Variants in ERBB4 observed in about 807,000 individuals in gnomAD.
ERBB4 encodes the protein receptor tyrosine-protein kinase erbB-4.
Under a neutral mutation model 158.0 loss-of-function variants are expected in ERBB4, and 42 were observed. That is an observed-to-expected ratio of 0.27 (90% confidence interval 0.21 to 0.34). ERBB4 has a LOEUF of 0.34. Ranked by LOEUF, ERBB4 falls within the 10% of genes least tolerant of loss-of-function variation. The pLI is 1.00. For missense variants in ERBB4, 1,333 were observed against 1,624.1 expected (o/e 0.82, Z 3.08); for synonymous variants, 583 against 558.7 (o/e 1.04, Z -0.61).
In ERBB4 at chr2:212,355,909, G is replaced by A. The variant is rs957558282; in HGVS notation, c.82+182540C>T. Among the ~76,000 whole-genome samples, 34 of 151,738 alleles carry A rather than the reference G, an allele frequency of 2.2e-4. 1 individual carries two copies. The highest frequency in any genetic ancestry group is 4.1e-4 in the Non-Finnish European group (28 of 67,932). ...TGTTCCCACCTCACTTCCAACCTTT[G>A]CTAAGGAAGTTAGTCATGTCATTTG... On this transcript the variant is annotated intron_variant, in intron 1 of 27. Transcript: ENST00000342788.
At chr2:211,604,480 G>T (rs769398365) in intron 19 of ERBB4, among the ~76,000 whole-genome samples, 8 of 146,540 alleles carry the variant, frequency 5.5e-5, no homozygotes, top group African/African-American at 9.7e-5. Flanking sequence ...AAGGTCCCTT[G>T]TCCCTGAATA....
intron 2 of ERBB4, among the ~76,000 whole-genome samples, chr2:212,092,808 G>C (rs1159254237): frequency 6.6e-6 from 1 of 152,122 alleles, no homozygotes; most frequent in African/African-American, 2.4e-5. Context: ...CACAACCGGG[G>C]CCTGTCAGGG....
intron 19 of ERBB4, among the ~76,000 whole-genome samples, chr2:211,596,382 G>C (rs1324792475): frequency 1.3e-5 from 2 of 152,122 alleles, no homozygotes; most frequent in Middle Eastern, 3.2e-3. Context: ...TTCAAAATAA[G>C]ACGAATATAT....
At chr2:212,368,977 C>A (rs1457145820) in intron 1 of ERBB4, among the ~76,000 whole-genome samples, 2 of 152,116 alleles carry the variant, frequency 1.3e-5, no homozygotes, top group South Asian at 4.2e-4. Flanking sequence ...TGTAGGCCAA[C>A]CTTCTGAATT....
intron 3 of ERBB4, among the ~76,000 whole-genome samples, chr2:211,802,881 T>C (rs1300680027): frequency 6.6e-6 from 1 of 152,194 alleles, no homozygotes; most frequent in Non-Finnish European, 1.5e-5. Context: ...GGCAGACCCA[T>C]CAGCTGGGTG....
At chr2:212,290,011 T>C (rs945901228) in intron 1 of ERBB4, among the ~76,000 whole-genome samples, 2 of 152,134 alleles carry the variant, frequency 1.3e-5, no homozygotes, top group Non-Finnish European at 2.9e-5. Context: ...AAAAATGTCA[T>C]ATTTAAGTTT....
At chr2:211,570,783 TTC>T (rs1216599850) in intron 19 of ERBB4, among the ~76,000 whole-genome samples, 1 of 152,130 alleles carries the variant, frequency 6.6e-6, no homozygotes, top group African/African-American at 2.4e-5. Flanking sequence ...CTTTAGCTAT[TTC>T]TTCATGTTAT....
chr2:211,979,726 C>T (rs2081735951), intron 2 of ERBB4, among the ~76,000 whole-genome samples: 1 of 152,082 alleles, frequency 6.6e-6, no homozygotes, highest in African/African-American at 2.4e-5. Context: ...ATCATTTGTT[C>T]ACCTTTTAAA....
chr2:212,537,793 T>G (rs1476334685), intron 1 of ERBB4, among the ~76,000 whole-genome samples: 1 of 141,684 alleles, frequency 7.1e-6, no homozygotes, highest in African/African-American at 2.7e-5. Flanking sequence ...TAAGCGCCCC[T>G]CAAGTCAATG....
At chr2:211,758,204 G>A (rs1313546772) in intron 4 of ERBB4, among the ~76,000 whole-genome samples, 1 of 152,016 alleles carries the variant, frequency 6.6e-6, no homozygotes, top group African/African-American at 2.4e-5. Flanking sequence ...ATTTCCCACC[G>A]AATGGAAAGA....
intron 9 of ERBB4, among the ~76,000 whole-genome samples, chr2:211,711,632 G>A (rs1039450378): frequency 2.8e-4 from 42 of 152,100 alleles, no homozygotes; most frequent in Non-Finnish European, 5.1e-4. Flanking sequence ...TCAACATACT[G>A]ATTAGTTTTA....
intron 3 of ERBB4, among the ~76,000 whole-genome samples, chr2:211,828,459 A>G (rs137970319): frequency 1.7e-4 from 26 of 152,264 alleles, no homozygotes; most frequent in Non-Finnish European, 3.1e-4. Context: ...TCTGGGCCCT[A>G]GAATTCTTCT....
intron 25 of ERBB4, among the ~76,000 whole-genome samples, chr2:211,419,366 C>T (rs903524425): frequency 1.3e-5 from 2 of 151,852 alleles, no homozygotes. Context: ...TTATTACAAT[C>T]AATATGAAAT....
At chr2:211,829,709 T>C (rs1210988772) in intron 3 of ERBB4, among the ~76,000 whole-genome samples, 1 of 152,170 alleles carries the variant, frequency 6.6e-6, no homozygotes, top group African/African-American at 2.4e-5. Flanking sequence ...CACCTTGAGT[T>C]TCCTTAATAT....
intron 5 of ERBB4, among the ~76,000 whole-genome samples, chr2:211,735,318 T>A (rs1351969470): frequency 6.6e-6 from 1 of 152,180 alleles, no homozygotes; most frequent in African/African-American, 2.4e-5. Flanking sequence ...AAAAACTAGC[T>A]TATCCTAGGT....
At chr2:212,264,614 T>C (rs539292130) in intron 1 of ERBB4, among the ~76,000 whole-genome samples, 34 of 152,234 alleles carry the variant, frequency 2.2e-4, no homozygotes, top group African/African-American at 7.7e-4. Flanking sequence ...TAAACTATCA[T>C]GATTACATTA....
intron 1 of ERBB4, among the ~76,000 whole-genome samples, chr2:212,385,349 G>A (rs2090640749): frequency 6.6e-6 from 1 of 151,712 alleles, no homozygotes; most frequent in African/African-American, 2.4e-5. Context: ...ATTCCCAGGA[G>A]GAAATCAGTG....
intron 1 of ERBB4, among the ~76,000 whole-genome samples, chr2:212,162,050 T>C (rs2081217160): frequency 6.6e-6 from 1 of 151,844 alleles, no homozygotes; most frequent in African/African-American, 2.4e-5. Context: ...TAAACCCAAA[T>C]ACTACATCTC....
chr2:211,743,843 G>T (rs71422755), intron 5 of ERBB4, among the ~76,000 whole-genome samples: 19,965 of 152,178 alleles, frequency 0.13, 1,520 homozygotes, highest in South Asian at 0.32. Context: ...TGCTCCACAT[G>T]TAACGTAGCT....
Sources: allele counts gnomAD v4.1 joint callset (sites outside exome capture counted in the v4.1 genomes callset), GRCh38; gene constraint gnomAD v4.1.1; transcripts MANE v1.5; gene names NCBI Gene and HGNC (gene_info 2026-07-23, HGNC 2026-07-21).